PCDH15: variants seen among roughly 807,000 people sequenced by gnomAD.
The protein encoded by PCDH15 is protocadherin-15.
In PCDH15, 129 loss-of-function variants were observed where a neutral mutation model predicts 178.5. The ratio of observed to expected loss-of-function variants is 0.72; its 90% confidence interval spans 0.63 to 0.84. The LOEUF (loss-of-function observed/expected upper bound fraction) is 0.84, where lower values mean the gene tolerates loss of function less well. Ranked by LOEUF, PCDH15 falls within the 40% of genes least tolerant of loss-of-function variation. The pLI is 0.00. For synonymous variants in PCDH15, 800 were observed against 732.0 expected, an observed-to-expected ratio of 1.09 and a Z score of -1.50; for missense variants, 2,230 against 2,099.9, an observed-to-expected ratio of 1.06 and a Z score of -1.21.
chr10:54,950,115 C>T (rs926329868), intron 2 of PCDH15, among the ~76,000 whole-genome samples: 1 of 151,930 alleles, frequency 6.6e-6, no homozygotes, highest in Non-Finnish European at 1.5e-5. Flanking sequence ...GTCCATTTTC[C>T]CACTGCTGTA....
intron 2 of PCDH15, among the ~76,000 whole-genome samples, chr10:55,466,694 T>C (rs1009879670): frequency 6.6e-6 from 1 of 152,046 alleles, no homozygotes; most frequent in African/African-American, 2.4e-5. Context: ...ATCACTCACA[T>C]AGAGATGACC....
chr10:53,920,415 A>G lies in PCDH15; in HGVS notation c.3374-17045T>C, dbSNP rs1416899450. Among the ~76,000 whole-genome samples, 4 of 152,060 alleles carry G rather than the reference A, an allele frequency of 2.6e-5. No individual in the cohort carries two copies. In the East Asian group the frequency reaches 7.7e-4, roughly 29 times the overall value. The stretch of plus-strand genomic sequence containing the variant: ...GTATGTATAGATACTATATAAGTAT[A>G]TATTAGGATATTACAATATAATTGA... On this transcript the variant is annotated intron_variant, in intron 25 of 37. Transcript: ENST00000644397.
intron 2 of PCDH15, among the ~76,000 whole-genome samples, chr10:55,034,124 G>T (rs1019166534): frequency 6.6e-6 from 1 of 151,924 alleles, no homozygotes; most frequent in Non-Finnish European, 1.5e-5. Flanking sequence ...ACCCAGTGTG[G>T]TATTTCATTA....
intron 1 of PCDH15, among the ~76,000 whole-genome samples, chr10:55,262,182 A>C: frequency 6.8e-6 from 1 of 146,860 alleles, no homozygotes; most frequent in Non-Finnish European, 1.5e-5. Flanking sequence ...GGAGGGAGGG[A>C]AAGGGAGTGA....
At chr10:54,565,647 C>A (rs1422833114) in intron 2 of PCDH15, among the ~76,000 whole-genome samples, 1 of 152,054 alleles carries the variant, frequency 6.6e-6, no homozygotes, top group East Asian at 1.9e-4. Flanking sequence ...TATTTTATTC[C>A]TTGTTTGGGG....
At chr10:54,313,037 G>T (rs1201237171) in intron 8 of PCDH15, among the ~76,000 whole-genome samples, 2 of 151,734 alleles carry the variant, frequency 1.3e-5, no homozygotes, top group Non-Finnish European at 2.9e-5. Context: ...AATGATAAAA[G>T]GATCAAGATT....
chr10:53,919,482 T>C (rs988014797), intron 25 of PCDH15, among the ~76,000 whole-genome samples: 5 of 152,200 alleles, frequency 3.3e-5, no homozygotes, highest in African/African-American at 1.2e-4. Context: ...GACCAAGTGT[T>C]TTCTGTGCAT....
rs371237865 is a variant in PCDH15 at position 54,153,185 on chromosome 10, T to A, written c.1699A>T (p.Ile567Phe). 1 of 1,613,818 alleles carries A rather than the reference T, an allele frequency of 6.2e-7. No homozygotes were observed. The highest frequency in any genetic ancestry group is 1.3e-5 in the African/African-American group (1 of 74,900). Residue 567 changes from isoleucine (I) to phenylalanine (F), a missense_variant, in exon 14 of 38, where the codon ATC (isoleucine) becomes TTC (phenylalanine). Coordinates refer to ENST00000644397, the MANE Select transcript of PCDH15 (RefSeq NM_001384140.1). ...ACTATCATTTCCACCCCTGGAGCGA[T>A]GGTGATAAGCCCTGTTGTTTTATTG... The part of the protein sequence containing the change: ...IINKTTGLIT[I>F]APGVEMIVGR...
At chr10:54,974,230 G>A (rs1839010294) in intron 2 of PCDH15, among the ~76,000 whole-genome samples, 1 of 151,890 alleles carries the variant, frequency 6.6e-6, no homozygotes, top group Non-Finnish European at 1.5e-5. Flanking sequence ...TGAACACAAA[G>A]AAGCTAAAGA....
chr10:54,321,264 A>T (rs573344488), intron 7 of PCDH15, among the ~76,000 whole-genome samples: 2 of 150,112 alleles, frequency 1.3e-5, no homozygotes, highest in South Asian at 4.2e-4. Flanking sequence ...CCTGGGCTCA[A>T]GTAATCCTCG....
At chr10:55,451,098 C>T (rs1839425947) in intron 2 of PCDH15, among the ~76,000 whole-genome samples, 1 of 151,664 alleles carries the variant, frequency 6.6e-6, no homozygotes, top group Admixed American at 6.6e-5. Context: ...CAGGAATGAG[C>T]ACAACTCGGG....
At chr10:54,217,259 A>G (rs1177546665) in intron 9 of PCDH15, among the ~76,000 whole-genome samples, 1 of 152,234 alleles carries the variant, frequency 6.6e-6, no homozygotes, top group South Asian at 2.1e-4. Context: ...TTCAATCTAA[A>G]TGTATATTTA....
chr10:54,092,059 GT>G (rs1415425668), intron 15 of PCDH15, among the ~76,000 whole-genome samples: 1 of 151,964 alleles, frequency 6.6e-6, no homozygotes, highest in Non-Finnish European at 1.5e-5. Context: ...CCATCTTGAC[GT>G]ACCTCAAAAA....
chr10:55,525,084 G>T (rs1197137449), intron 2 of PCDH15, among the ~76,000 whole-genome samples: 3 of 151,640 alleles, frequency 2.0e-5, no homozygotes, highest in African/African-American at 7.3e-5. Flanking sequence ...TAGATTTAGA[G>T]AAATCATTCA....
At chr10:54,398,002 T>C (rs1951460606) in intron 3 of PCDH15, among the ~76,000 whole-genome samples, 1 of 151,908 alleles carries the variant, frequency 6.6e-6, no homozygotes, top group Non-Finnish European at 1.5e-5. Flanking sequence ...GTCACAAATA[T>C]GAGTTTTTGT....
chr10:54,007,352 C>T (rs1460933515), intron 20 of PCDH15, among the ~76,000 whole-genome samples: 1 of 151,620 alleles, frequency 6.6e-6, no homozygotes, highest in Non-Finnish European at 1.5e-5. Context: ...TAGAAATATA[C>T]AAGAAAAATA....
At chr10:54,617,138 C>T (rs935766883) in intron 2 of PCDH15, among the ~76,000 whole-genome samples, 15 of 119,674 alleles carry the variant, frequency 1.3e-4, no homozygotes, top group African/African-American at 4.0e-4. Flanking sequence ...TCAGATGATC[C>T]ACCAGCCTTG....
At chr10:53,924,144 C>G (rs1031689706) in intron 25 of PCDH15, among the ~76,000 whole-genome samples, 3 of 151,410 alleles carry the variant, frequency 2.0e-5, no homozygotes, top group Non-Finnish European at 2.9e-5. Context: ...CTGGCCAAGG[C>G]CGGAGCCAGC....
intron 1 of PCDH15, among the ~76,000 whole-genome samples, chr10:54,744,771 T>C (rs1237439201): frequency 1.3e-5 from 2 of 152,202 alleles, no homozygotes; most frequent in South Asian, 2.1e-4. Context: ...GTAATTATCC[T>C]ATTTGCTATA....
Sources: allele counts gnomAD v4.1 joint callset (sites outside exome capture counted in the v4.1 genomes callset), GRCh38; gene constraint gnomAD v4.1.1; transcripts MANE v1.5; gene names NCBI Gene and HGNC (gene_info 2026-07-23, HGNC 2026-07-21).